Variants in POLR3A observed in about 807,000 individuals in gnomAD.
POLR3A encodes the protein DNA-directed RNA polymerase III subunit RPC1.
A neutral mutation model predicts 152.8 loss-of-function variants in POLR3A; 112 were observed. That is an observed-to-expected ratio of 0.73 (90% confidence interval 0.63 to 0.86). The LOEUF (loss-of-function observed/expected upper bound fraction) is 0.86, where lower values mean the gene tolerates loss of function less well. POLR3A is among the 40% of genes least tolerant of loss of function. The pLI, the probability that POLR3A is intolerant of heterozygous loss-of-function variation, is 0.00. For synonymous variants in POLR3A, 615 were observed against 652.1 expected (o/e 0.94, Z 0.87); for missense variants, 1,385 against 1,743.1 (o/e 0.79, Z 3.66).
At position 77,982,780 on chromosome 10, in the gene POLR3A, G is replaced by C; in HGVS notation, c.3467C>G (p.Ser1156Cys). 6.2e-7 allele frequency: 1 copy of C among 1,614,060 alleles called. No homozygotes were observed. Among genetic ancestry groups the C allele is most frequent in the Non-Finnish European group, 8.5e-7 (1 of 1,179,996 alleles). The change falls in exon 27 of 31, where the codon TCC becomes TGC. Residue 1156 changes from serine (S) to cysteine (C), a missense_variant. By Grantham distance (112) the Ser-to-Cys change is moderately radical. This residue lies in a region of POLR3A where 332 missense variants were observed against 400.1 expected (regional missense o/e 0.83). Transcript: ENST00000372371. ...ATCACCGGGCTTCACACGGAGCTTG[G>C]ATGTGCAGATGGAATATCTCACTGT... ...AETVRYSICT[S>C]KLRVKPGDVA...
At position 77,982,185 on chromosome 10, in the gene POLR3A, C is replaced by A; in HGVS notation, c.3728G>T (p.Gly1243Val). The A allele has an allele frequency of 3.1e-6, 5 of 1,613,982 alleles. No individual in the cohort carries two copies. Among genetic ancestry groups the A allele is most frequent in the Non-Finnish European group, 4.2e-6 (5 of 1,179,992 alleles). Residue 1243 changes from glycine (G) to valine (V), a missense_variant, in exon 28 of 31, where the codon GGC becomes GTC. By Grantham distance (109) the Gly-to-Val change is moderately radical. Coordinates refer to ENST00000372371, the MANE Select transcript of POLR3A (RefSeq NM_007055.4). The part of the protein sequence containing the change: ...RAVMATHGVK[G>V]TRTTSNNTYE... ...GGTGTTATTGGAGGTGGTTCGGGTG[C>A]CCTTCACACCGTGTGTGGCCATGAC...
chr10:77,977,603 C>T lies in POLR3A; in HGVS notation c.4048G>A (p.Gly1350Arg), dbSNP rs1483295275. ...VCGVSECIIM[G>R]IPMNIGTGLF... Reference sequence around the variant, plus strand: ...CCGGTTCCAATGTTCATTGGGATTCCCATGATGATGCACTCAGACACCCCT... The same window carrying T: ...CCGGTTCCAATGTTCATTGGGATTCTCATGATGATGCACTCAGACACCCCT... The change falls in exon 31 of 31, where the codon GGA becomes AGA. Residue 1350 changes from glycine to arginine, a missense_variant. Coordinates refer to ENST00000372371, the MANE Select transcript of POLR3A (RefSeq NM_007055.4). 1.2e-6 allele frequency: 2 copies of T among 1,613,746 alleles called. No individual in the cohort carries two copies. The highest frequency in any genetic ancestry group is 1.7e-6 in the Non-Finnish European group (2 of 1,179,832).
chr10:78,029,306 T>A, intron 1 of POLR3A, 58 bp downstream of exon 1: 1 of 1,570,748 alleles, frequency 6.4e-7, no homozygotes, highest in South Asian at 1.1e-5. Context: ...CCGGGACCGC[T>A]GACCTCGGAC....
Position 78,021,833 on chromosome 10 carries a change from C to T in POLR3A, c.1048+27G>A. 1.9e-6 allele frequency: 3 copies of T among 1,612,908 alleles called. No homozygotes were observed. The South Asian group carries it at 3.3e-5, about 18-fold the overall frequency. On this transcript the variant is annotated intron_variant, in intron 7 of 30. Transcript: ENST00000372371. ...AAAGGAACCAAAGAGAGTGGGCTGG[C>T]TTCTGCACATCTTGTGGGAAACCTA...
At chr10:77,998,475 C>G (rs893355012) in intron 19 of POLR3A, among the ~76,000 whole-genome samples, 1 of 152,198 alleles carries the variant, frequency 6.6e-6, no homozygotes, top group African/African-American at 2.4e-5. Context: ...CAAACCCCAT[C>G]AAAAAGTGGG....
At chr10:77,997,829 A>G (rs1273330793) in intron 19 of POLR3A, among the ~76,000 whole-genome samples, 1 of 151,834 alleles carries the variant, frequency 6.6e-6, no homozygotes, top group Non-Finnish European at 1.5e-5. Flanking sequence ...GAACCAAAAA[A>G]GAGCCCACAT....
chr10:77,977,173 C>G lies in POLR3A; in HGVS notation c.*305G>C. 7.6e-6 allele frequency: 3 copies of G among 392,794 alleles called. No individual in the cohort carries two copies. The highest frequency in any genetic ancestry group is 2.2e-5 in the South Asian group (1 of 45,488). The allele number at this position is 392,794 out of a possible 1,614,324, so 24.3% of individuals were successfully genotyped here. A position where few individuals can be genotyped will look rare whatever the true frequency, so the allele number is the denominator to read the frequency against. On this transcript the variant is annotated 3_prime_UTR_variant, in exon 31 of 31. Coordinates refer to ENST00000372371, the MANE Select transcript of POLR3A (RefSeq NM_007055.4). ...AGCTGGGATGGACCATGACACCTGG[C>G]TGGGCTTTAAGTCCAGGGAAGCAGT...
At chr10:77,980,342 T>C (rs1254004230) in intron 29 of POLR3A, 69 bp from the exon 30 acceptor site, 2 of 1,482,078 alleles carry the variant, frequency 1.3e-6, no homozygotes, top group Non-Finnish European at 1.9e-6. Flanking sequence ...CAAAGCACGG[T>C]GCACCTTCAA....
At chr10:77,988,351 GTC>G (rs1264680536) in intron 21 of POLR3A, among the ~76,000 whole-genome samples, 5 of 152,004 alleles carry the variant, frequency 3.3e-5, no homozygotes, top group South Asian at 2.1e-4. Flanking sequence ...GTGAAACCCC[GTC>G]TCTACTAAAA....
chr10:77,988,861 G>A (rs996749429), intron 21 of POLR3A, among the ~76,000 whole-genome samples: 2 of 152,190 alleles, frequency 1.3e-5, no homozygotes, highest in African/African-American at 2.4e-5. Context: ...GTTAAAAGCT[G>A]CCTTACCTGT....
rs1266034335 is a variant in POLR3A at position 77,993,413 on chromosome 10, T to C, written c.2617-46A>G. 12 of 1,432,672 alleles carry C rather than the reference T, an allele frequency of 8.4e-6. No individual in the cohort carries two copies. In the South Asian group the frequency reaches 1.3e-4, roughly 15 times the overall value. The allele number at this position is 1,432,672 out of a possible 1,614,324, so 88.7% of individuals were successfully genotyped here. A position where few individuals can be genotyped will look rare whatever the true frequency, so the allele number is the denominator to read the frequency against. ...AGCTCAGCTGCTTTGAGAAGACTAG[T>C]CACATGGGGAGAGGATAAGATTTGC... On this transcript the variant is annotated intron_variant, in intron 19 of 30. Transcript: ENST00000372371.
chr10:78,015,106 C>T (rs1265798306), intron 10 of POLR3A, among the ~76,000 whole-genome samples: 1 of 152,154 alleles, frequency 6.6e-6, no homozygotes, highest in Middle Eastern at 3.2e-3. Flanking sequence ...CAAGAGATGA[C>T]TGTTAATTTT....
chr10:77,979,502 T>C (rs1240760624), intron 30 of POLR3A, among the ~76,000 whole-genome samples: 1 of 151,810 alleles, frequency 6.6e-6, no homozygotes, highest in Non-Finnish European at 1.5e-5. Flanking sequence ...CTGGGGAGAG[T>C]TCCCCTCGTG....
intron 26 of POLR3A, 62 bp downstream of exon 26, chr10:77,983,858 A>C: frequency 9.9e-7 from 1 of 1,009,254 alleles, no homozygotes; most frequent in South Asian, 1.3e-5. Context: ...GCCCTAGTTT[A>C]TCAGTACCTA....
intron 20 of POLR3A, among the ~76,000 whole-genome samples, chr10:77,991,908 T>C (rs1847253242): frequency 6.6e-6 from 1 of 152,208 alleles, no homozygotes; most frequent in African/African-American, 2.4e-5. Context: ...AGACAGACCA[T>C]CATGTATTTG....
At chr10:78,002,104 T>C in intron 17 of POLR3A, 93 bp downstream of exon 17, 1 of 693,982 alleles carries the variant, frequency 1.4e-6, no homozygotes, top group Non-Finnish European at 2.5e-6. Context: ...ATAAATGAAA[T>C]GTCTGTTTGG....
Position 78,000,017 on chromosome 10 carries a change from G to A in POLR3A, c.2580C>T (p.Asp860=), listed in dbSNP as rs77055595. Residue 860 remains aspartate (D), a synonymous_variant, in exon 19 of 31, where the codon GAC becomes GAT. Coordinates refer to ENST00000372371, the MANE Select transcript of POLR3A (RefSeq NM_007055.4). ...HTMAGREGLV[D]TAVKTAETGY... is the part of the protein sequence containing the mutation. ...CCGTTTCAGCTGTCTTTACAGCCGTGTCGACTAGACCTTCCCGGCCGGCCA... is the reference window on the plus strand; with the variant it reads ...CCGTTTCAGCTGTCTTTACAGCCGTATCGACTAGACCTTCCCGGCCGGCCA... 649 of 1,614,108 alleles carry A rather than the reference G, an allele frequency of 4.0e-4. 4 individuals are homozygous for A. In the African/African-American group the frequency reaches 7.5e-3, roughly 19 times the overall value.
intron 16 of POLR3A, among the ~76,000 whole-genome samples, chr10:78,003,672 C>T (rs1341918429): frequency 6.6e-6 from 1 of 152,116 alleles, no homozygotes; most frequent in Non-Finnish European, 1.5e-5. Flanking sequence ...CCTGTAATTC[C>T]AGCACTTTGG....
intron 30 of POLR3A, among the ~76,000 whole-genome samples, 191 bp from the exon 31 acceptor site, chr10:77,977,817 C>T (rs1174344954): frequency 6.6e-6 from 1 of 152,160 alleles, no homozygotes; most frequent in Admixed American, 6.5e-5. Flanking sequence ...CAGGGGGATT[C>T]TGCACTTTCA....
Sources: allele counts gnomAD v4.1 joint callset (sites outside exome capture counted in the v4.1 genomes callset), GRCh38; gene constraint gnomAD v4.1.1; regional missense constraint gnomAD v4.1.1; transcripts MANE v1.5; gene names NCBI Gene and HGNC (gene_info 2026-07-23, HGNC 2026-07-21).